The following TRPM3 variants were observed in gnomAD, a reference collection of about 807,000 sequenced individuals.
The protein encoded by TRPM3 is transient receptor potential cation channel subfamily M member 3.
Under a neutral mutation model 181.2 loss-of-function variants are expected in TRPM3, and 77 were observed. That is an observed-to-expected ratio of 0.42 (90% confidence interval 0.35 to 0.51). The LOEUF (loss-of-function observed/expected upper bound fraction) is 0.51, where lower values mean the gene tolerates loss of function less well. Ranked by LOEUF, TRPM3 falls within the 20% of genes least tolerant of loss-of-function variation. The probability of loss-of-function intolerance (pLI) is 0.01; values close to 1 mark genes in which losing one functional copy is unlikely to be tolerated. For missense variants in TRPM3, 1,759 were observed against 2,196.7 expected (o/e 0.80, Z 3.98); for synonymous variants, 745 against 796.4 (o/e 0.94, Z 1.09).
At chr9:71,432,958 G>C (rs2093980114) in intron 1 of TRPM3, among the ~76,000 whole-genome samples, 3 of 152,258 alleles carry the variant, frequency 2.0e-5, no homozygotes, top group Admixed American at 1.3e-4. Flanking sequence ...ATACACACAA[G>C]TTGGAATAGT....
chr9:70,701,279 T>C lies in TRPM3; in HGVS notation c.1273-19701A>G, dbSNP rs367763900. Among the ~76,000 whole-genome samples the C allele has an allele frequency of 1.4e-3, 208 of 152,350 alleles. 3 individuals carry two copies. In the South Asian group the frequency reaches 0.02, roughly 14 times the overall value. ...CGATGTTCTCATTGACTGTCAGGGATGATAGGCTATTTGGGCCTCTCTCAA... is the reference window on the plus strand; with the variant it reads ...CGATGTTCTCATTGACTGTCAGGGACGATAGGCTATTTGGGCCTCTCTCAA... On this transcript the variant is annotated intron_variant, in intron 8 of 25. Coordinates refer to ENST00000677713, the MANE Select transcript of TRPM3 (RefSeq NM_001366145.2).
chr9:71,135,782 C>A (rs2074726606), intron 1 of TRPM3, among the ~76,000 whole-genome samples: 1 of 151,182 alleles, frequency 6.6e-6, no homozygotes, highest in African/African-American at 2.4e-5. Context: ...TATCTTCAGG[C>A]AAAAAAAACC....
intron 22 of TRPM3, among the ~76,000 whole-genome samples, chr9:70,553,602 G>A (rs1357002870): frequency 6.6e-6 from 1 of 152,138 alleles, no homozygotes; most frequent in African/African-American, 2.4e-5. Context: ...CCCCTACACC[G>A]GGTGAGGGGC....
intron 5 of TRPM3, among the ~76,000 whole-genome samples, chr9:70,829,002 A>G (rs1564483121): frequency 6.6e-6 from 1 of 152,138 alleles, no homozygotes; most frequent in South Asian, 2.1e-4. Context: ...TAAAATATTT[A>G]GGTAAGAACT....
intron 1 of TRPM3, among the ~76,000 whole-genome samples, chr9:71,258,707 ATTACAT>A (rs1301974271): frequency 6.6e-6 from 1 of 152,138 alleles, no homozygotes; most frequent in Non-Finnish European, 1.5e-5. Context: ...TACATGCATT[ATTACAT>A]TTAATCTTTC....
chr9:70,933,318 C>A (rs1391186771), intron 1 of TRPM3, among the ~76,000 whole-genome samples: 1 of 152,014 alleles, frequency 6.6e-6, no homozygotes, highest in Non-Finnish European at 1.5e-5. Flanking sequence ...GATGTGATTA[C>A]CCAGACAGAG....
At chr9:70,544,472 G>T (rs1238746631) in intron 25 of TRPM3, among the ~76,000 whole-genome samples, 1 of 152,072 alleles carries the variant, frequency 6.6e-6, no homozygotes, top group South Asian at 2.1e-4. Context: ...GGGCCACCTG[G>T]AGAAATGTGA....
At chr9:70,821,156 GC>G (rs2093133692) in intron 6 of TRPM3, among the ~76,000 whole-genome samples, 1 of 152,118 alleles carries the variant, frequency 6.6e-6, no homozygotes, top group Non-Finnish European at 1.5e-5. Flanking sequence ...ACTAATATTT[GC>G]CATGATGCTG....
chr9:70,696,998 G>C (rs1346367570), intron 8 of TRPM3, among the ~76,000 whole-genome samples: 1 of 151,856 alleles, frequency 6.6e-6, no homozygotes, highest in Non-Finnish European at 1.5e-5. Flanking sequence ...CCTTTTTTCA[G>C]TTTTCAATTT....
chr9:71,366,797 A>G (rs1179493477), intron 1 of TRPM3, among the ~76,000 whole-genome samples: 2 of 152,176 alleles, frequency 1.3e-5, no homozygotes, highest in Admixed American at 6.5e-5. Flanking sequence ...CATTACTATT[A>G]GAGATTATTA....
chr9:70,650,247 C>G (rs929342402), intron 9 of TRPM3, among the ~76,000 whole-genome samples: 1 of 152,010 alleles, frequency 6.6e-6, no homozygotes, highest in East Asian at 1.9e-4. Flanking sequence ...GATTTGTACA[C>G]AAAACCACAG....
intron 6 of TRPM3, among the ~76,000 whole-genome samples, chr9:70,784,691 T>G (rs1438213673): frequency 6.6e-6 from 1 of 152,116 alleles, no homozygotes; most frequent in African/African-American, 2.4e-5. Flanking sequence ...ATATGAAAAG[T>G]AGGAAGTTAA....
chr9:71,127,987 T>G (rs947783376), intron 1 of TRPM3, among the ~76,000 whole-genome samples: 15 of 152,350 alleles, frequency 9.8e-5, no homozygotes, highest in African/African-American at 2.9e-4. Context: ...AGCAACTTAT[T>G]ACTACCAATA....
chr9:70,773,014 GGGCCTCCAGGCAGACTACAACACT>G (rs1298319384), intron 7 of TRPM3, among the ~76,000 whole-genome samples: 4 of 152,062 alleles, frequency 2.6e-5, no homozygotes, highest in Admixed American at 6.6e-5. Context: ...TGAATTTTTG[GGGCCTCCAGGCAGACTACAACACT>G]GGCCTCCTGC....
intron 1 of TRPM3, among the ~76,000 whole-genome samples, chr9:71,054,776 C>A (rs2060470525): frequency 6.6e-6 from 1 of 152,044 alleles, no homozygotes; most frequent in Non-Finnish European, 1.5e-5. Flanking sequence ...AGGATTGGGG[C>A]AGAAGGGTTG....
rs1224724549 is a variant in TRPM3 at position 71,396,575 on chromosome 9, A to C, written c.183+50078T>G. On this transcript the variant is annotated intron_variant, in intron 1 of 24. Transcript: ENST00000357533. The stretch of plus-strand genomic sequence containing the variant: ...TACACTCTTACACTTGAGAAACCCC[A>C]GCCACAGGAGTTTCCTCAGGAGAAA... Among the ~76,000 whole-genome samples, 6 of 152,084 alleles carry C rather than the reference A, an allele frequency of 3.9e-5. No homozygotes were observed. The East Asian group carries it at 9.6e-4, about 24-fold the overall frequency.
intron 1 of TRPM3, among the ~76,000 whole-genome samples, chr9:70,887,265 T>C (rs1189595293): frequency 6.6e-6 from 1 of 152,122 alleles, no homozygotes; most frequent in Admixed American, 6.6e-5. Context: ...CAACATGTAG[T>C]CTCCTTCCTA....
intron 1 of TRPM3, among the ~76,000 whole-genome samples, chr9:71,415,491 TTTTTCATACATCA>T (rs1403251520): frequency 3.3e-5 from 5 of 152,166 alleles, no homozygotes; most frequent in South Asian, 2.1e-4. Context: ...AGAACAACTT[TTTTTCATACATCA>T]TAAATAAAAG....
chr9:71,363,216 A>G (rs2092221477), intron 1 of TRPM3, among the ~76,000 whole-genome samples: 1 of 152,230 alleles, frequency 6.6e-6, no homozygotes, highest in Non-Finnish European at 1.5e-5. Flanking sequence ...ATGAGAAGAC[A>G]TTTGATATTA....
Sources: allele counts gnomAD v4.1 joint callset (sites outside exome capture counted in the v4.1 genomes callset), GRCh38; gene constraint gnomAD v4.1.1; transcripts MANE v1.5; gene names NCBI Gene and HGNC (gene_info 2026-07-23, HGNC 2026-07-21).